PCDH15: variants seen among roughly 807,000 people sequenced by gnomAD.
PCDH15 encodes the protein protocadherin related 15.
Under a neutral mutation model 178.5 loss-of-function variants are expected in PCDH15, and 129 were observed. The ratio of observed to expected loss-of-function variants is 0.72; its 90% confidence interval spans 0.63 to 0.84. The LOEUF is 0.84. Ranked by LOEUF, PCDH15 falls within the 40% of genes least tolerant of loss-of-function variation. The pLI, the probability that PCDH15 is intolerant of heterozygous loss-of-function variation, is 0.00. For missense variants in PCDH15, 2,230 were observed against 2,099.9 expected, an observed-to-expected ratio of 1.06 and a Z score of -1.21; for synonymous variants, 800 against 732.0, an observed-to-expected ratio of 1.09 and a Z score of -1.50.
intron 2 of PCDH15, among the ~76,000 whole-genome samples, chr10:54,597,686 G>A (rs192080345): frequency 1.7e-4 from 26 of 152,094 alleles, no homozygotes; most frequent in South Asian, 1.7e-3. Context: ...AAAGATCAAC[G>A]AAGCCAGGAG....
chr10:55,247,941 A>C, intron 1 of PCDH15: 1 of 148,288 alleles, frequency 6.7e-6, no homozygotes, highest in East Asian at 2.0e-4. Context: ...TTTTTATCCT[A>C]TTAAAATGGA....
At chr10:54,709,627 T>TATATA (rs1491235711) in intron 1 of PCDH15, among the ~76,000 whole-genome samples, 4 of 141,850 alleles carry the variant, frequency 2.8e-5, no homozygotes, top group South Asian at 2.2e-4. Context: ...TATATATATA[T>TATATA]AAAATCACTT....
At chr10:54,657,967 T>C (rs1158228245) in intron 2 of PCDH15, among the ~76,000 whole-genome samples, 1 of 152,048 alleles carries the variant, frequency 6.6e-6, no homozygotes, top group Admixed American at 6.6e-5. Flanking sequence ...TATTAGAAAA[T>C]AGAACTTCAT....
At chr10:54,110,810 C>T (rs1158792100) in intron 15 of PCDH15, among the ~76,000 whole-genome samples, 1 of 152,014 alleles carries the variant, frequency 6.6e-6, no homozygotes, top group Admixed American at 6.6e-5. Flanking sequence ...CTTTTAAAAA[C>T]TGGTTTTGGA....
chr10:54,305,213 T>G (rs2133348540), intron 8 of PCDH15, among the ~76,000 whole-genome samples: 1 of 152,120 alleles, frequency 6.6e-6, no homozygotes, highest in East Asian at 1.9e-4. Context: ...TGTCCTTCAT[T>G]ATTTGTTTTA....
chr10:54,640,767 A>G (rs1424102660), intron 2 of PCDH15, among the ~76,000 whole-genome samples: 1 of 152,124 alleles, frequency 6.6e-6, no homozygotes, highest in East Asian at 1.9e-4. Context: ...CCAGTTGTGC[A>G]CTTCTTCACG....
At chr10:54,601,977 C>G (rs1184429511) in intron 2 of PCDH15, among the ~76,000 whole-genome samples, 1 of 151,718 alleles carries the variant, frequency 6.6e-6, no homozygotes, top group East Asian at 1.9e-4. Flanking sequence ...ACAGTGAGGC[C>G]AACCAGAAGG....
chr10:55,387,786 C>A (rs892440093), intron 2 of PCDH15, among the ~76,000 whole-genome samples: 2 of 151,988 alleles, frequency 1.3e-5, no homozygotes, highest in Admixed American at 6.6e-5. Flanking sequence ...CATCAGCCTG[C>A]CACATTGATT....
chr10:55,272,050 A>T (rs1842458271), intron 1 of PCDH15, among the ~76,000 whole-genome samples: 1 of 152,108 alleles, frequency 6.6e-6, no homozygotes, highest in Non-Finnish European at 1.5e-5. Context: ...ATAAGCCACG[A>T]GTTTGAGGAA....
rs1838342169 is a variant in PCDH15 at position 55,411,842 on chromosome 10, TTAGGTAAACTA to T, written c.-156+215772_-156+215782del. Among the ~76,000 whole-genome samples the T allele has an allele frequency of 6.6e-5, 10 of 152,166 alleles. No individual in the cohort carries two copies. The South Asian group carries it at 2.1e-3, about 32-fold the overall frequency. On this transcript the variant is annotated intron_variant, in intron 2 of 5. Transcript: ENST00000613346. ...GTCTCCTTCACAGATAATCCTGCAG[TTAGGTAAACTA>T]TAGAGGCTGCAAAATTAATAATTAC...
intron 2 of PCDH15, among the ~76,000 whole-genome samples, chr10:55,058,633 TG>T (rs1841362060): frequency 6.6e-6 from 1 of 152,210 alleles, no homozygotes; most frequent in Non-Finnish European, 1.5e-5. Flanking sequence ...ACATAATGTA[TG>T]TTTTTTTATC....
intron 8 of PCDH15, among the ~76,000 whole-genome samples, chr10:54,274,813 T>C (rs1033902392): frequency 2.0e-5 from 3 of 152,034 alleles, no homozygotes; most frequent in African/African-American, 2.4e-5. Flanking sequence ...TTAAATTCCA[T>C]TCATGGTAAA....
chr10:54,853,289 G>GTA (rs71014423), intron 3 of PCDH15, among the ~76,000 whole-genome samples: 6,798 of 102,264 alleles, frequency 0.066, 200 homozygotes, highest in East Asian at 0.11. Flanking sequence ...ATGTATGTGT[G>GTA]TATATATATA....
chr10:54,868,528 C>T (rs1425644316), intron 3 of PCDH15, among the ~76,000 whole-genome samples: 1 of 152,096 alleles, frequency 6.6e-6, no homozygotes, highest in African/African-American at 2.4e-5. Flanking sequence ...CTAGGTGCTT[C>T]ATCAGATCAC....
At chr10:55,285,189 G>GTAAATA (rs1842837081) in intron 1 of PCDH15, among the ~76,000 whole-genome samples, 1 of 148,352 alleles carries the variant, frequency 6.7e-6, no homozygotes, top group African/African-American at 2.5e-5. Flanking sequence ...TATTTATATG[G>GTAAATA]TAAATACAAG....
At position 54,031,879 on chromosome 10, in the gene PCDH15, G is replaced by C. The variant is rs187723234; in HGVS notation, c.2221-8682C>G. Reference sequence around the variant, plus strand: ...TTAAATGTATTTACATAGTAAGGCTGTCTTTTCCCTTTTTCAAATATTCCT... The same window carrying C: ...TTAAATGTATTTACATAGTAAGGCTCTCTTTTCCCTTTTTCAAATATTCCT... On this transcript the variant is annotated intron_variant, in intron 18 of 37. Transcript: ENST00000644397. 9.4e-4 allele frequency among the ~76,000 whole-genome samples: 143 copies of C among 152,156 alleles called. 2 individuals carry two copies. Among genetic ancestry groups the C allele is most frequent in the Admixed American group, 4.3e-3 (66 of 15,258 alleles).
At chr10:54,327,650 TGACAA>T (rs1938444725) in intron 7 of PCDH15, among the ~76,000 whole-genome samples, 1 of 151,730 alleles carries the variant, frequency 6.6e-6, no homozygotes, top group Non-Finnish European at 1.5e-5. Flanking sequence ...GGCAAGAAAA[TGACAA>T]GTTTGTGGCA....
chr10:55,525,438 A>C (rs1841283068), intron 2 of PCDH15, among the ~76,000 whole-genome samples: 1 of 151,912 alleles, frequency 6.6e-6, no homozygotes, highest in Non-Finnish European at 1.5e-5. Context: ...TCTGAGAATG[A>C]GCATTTATTC....
intron 21 of PCDH15, among the ~76,000 whole-genome samples, chr10:53,974,509 C>T (rs1196696964): frequency 6.6e-6 from 1 of 151,986 alleles, no homozygotes; most frequent in Non-Finnish European, 1.5e-5. Flanking sequence ...ACTAACCTGT[C>T]ATCATGCTCA....
Sources: allele counts gnomAD v4.1 joint callset (sites outside exome capture counted in the v4.1 genomes callset), GRCh38; gene constraint gnomAD v4.1.1; transcripts MANE v1.5; gene names NCBI Gene and HGNC (gene_info 2026-07-23, HGNC 2026-07-21).